Variants in CNR2 observed in about 807,000 individuals in gnomAD.
CNR2 encodes cannabinoid receptor 2 (macrophage).
For missense variants in CNR2, 379 were observed against 439.9 expected (o/e 0.86, Z 1.24); for synonymous variants, 172 against 182.2 (o/e 0.94, Z 0.45).
intron 1 of CNR2, among the ~76,000 whole-genome samples, chr1:23,898,570 T>C (rs1485000542): frequency 1.4e-5 from 2 of 147,592 alleles, no homozygotes; most frequent in Admixed American, 6.9e-5. Context: ...CTCGATCCCC[T>C]GACCTTGTGA....
rs201650984 is a variant in CNR2 at position 23,875,368 on chromosome 1, T to A, written c.250A>T (p.Ser84Cys). ...ACAAAGCTGCATGCAAAGACCACAC[T>A]GGCCAGGAAGTCAGCCCCAGCCAAG... ...GSLAGADFLA[S>C]VVFACSFVNF... is the part of the protein sequence containing the mutation. The change falls in exon 2 of 2, where the codon AGT (serine) becomes TGT (cysteine). Residue 84 changes from serine (S) to cysteine (C), a missense_variant. Coordinates refer to ENST00000374472, the MANE Select transcript of CNR2 (RefSeq NM_001841.3). 2.6e-5 allele frequency: 42 copies of A among 1,614,222 alleles called. No homozygotes were observed. The highest frequency in any genetic ancestry group is 1.2e-4 in the South Asian group (11 of 91,088).
intron 1 of CNR2, among the ~76,000 whole-genome samples, chr1:23,897,409 T>C (rs938877110): frequency 6.6e-6 from 1 of 152,066 alleles, no homozygotes. Context: ...TTACACCTAT[T>C]AGTACTTGCT....
At chr1:23,880,349 T>C (rs192432287) in intron 1 of CNR2, among the ~76,000 whole-genome samples, 135 of 152,060 alleles carry the variant, frequency 8.9e-4, no homozygotes, top group Non-Finnish European at 1.4e-3. Context: ...GGCTAAGTTT[T>C]CATATTTTTA....
chr1:23,883,707 C>A (rs1343225657), intron 1 of CNR2, among the ~76,000 whole-genome samples: 5 of 152,090 alleles, frequency 3.3e-5, no homozygotes, highest in African/African-American at 1.2e-4. Context: ...CGCCTGTAGT[C>A]CCACCTACTT....
chr1:23,878,096 G>T (rs1276990084), intron 1 of CNR2, among the ~76,000 whole-genome samples: 2 of 152,220 alleles, frequency 1.3e-5, no homozygotes, highest in Non-Finnish European at 2.9e-5. Flanking sequence ...TCAGAGGAGT[G>T]TTAGAGAGGA....
intron 1 of CNR2, chr1:23,902,763 G>C (rs1187067558): frequency 6.7e-7 from 1 of 1,501,582 alleles, no homozygotes; most frequent in East Asian, 2.4e-5. Context: ...GGGCTCTCCG[G>C]GTGGTTGTTG....
intron 1 of CNR2, among the ~76,000 whole-genome samples, chr1:23,879,549 T>C (rs1376767202): frequency 6.6e-6 from 1 of 152,092 alleles, no homozygotes; most frequent in Non-Finnish European, 1.5e-5. Context: ...GGTGGTCCAG[T>C]GTGCAGTGAT....
chr1:23,873,080 C>G lies in CNR2; in HGVS notation c.*1455G>C, dbSNP rs1344104915. 1 of 152,132 alleles carries G rather than the reference C, an allele frequency of 6.6e-6. No homozygotes were observed. The highest frequency in any genetic ancestry group is 1.5e-5 in the Non-Finnish European group (1 of 68,036). 9.4% of individuals were successfully genotyped at this position (152,132 alleles called of 1,614,324 possible). On this transcript the variant is annotated 3_prime_UTR_variant, in exon 2 of 2. Coordinates refer to ENST00000374472, the MANE Select transcript of CNR2 (RefSeq NM_001841.3). The stretch of plus-strand genomic sequence containing the variant: ...AAGTATTAAACGAAGACATGTTTAA[C>G]CAATATCTTTCATTTTATTCCATTT...
At chr1:23,892,365 G>C (rs374539240) in intron 1 of CNR2, among the ~76,000 whole-genome samples, 1 of 152,208 alleles carries the variant, frequency 6.6e-6, no homozygotes, top group East Asian at 1.9e-4. Flanking sequence ...GAGATGAAAA[G>C]GGCTGGCAAA....
chr1:23,900,093 C>A (rs1034148579), intron 1 of CNR2, among the ~76,000 whole-genome samples: 2 of 151,334 alleles, frequency 1.3e-5, no homozygotes, highest in Non-Finnish European at 2.9e-5. Context: ...AGATACTTTG[C>A]AGACCCTGCA....
chr1:23,877,577 G>A (rs563213599), intron 1 of CNR2, among the ~76,000 whole-genome samples: 12 of 152,182 alleles, frequency 7.9e-5, no homozygotes, highest in Admixed American at 2.6e-4. Flanking sequence ...GGAGCTTGCA[G>A]TGAGCCGAGA....
intron 1 of CNR2, chr1:23,902,585 G>A (rs1371869126): frequency 5.0e-6 from 8 of 1,606,388 alleles, no homozygotes; most frequent in South Asian, 1.1e-5. Flanking sequence ...CCAGGTCCCA[G>A]TAGAACATGG....
chr1:23,877,341 A>G (rs1639902227), intron 1 of CNR2, among the ~76,000 whole-genome samples: 2 of 152,236 alleles, frequency 1.3e-5, no homozygotes, highest in African/African-American at 4.8e-5. Context: ...TTGATCTAGA[A>G]CGTAGATCTG....
chr1:23,892,270 G>C (rs890415267), intron 1 of CNR2, among the ~76,000 whole-genome samples: 1 of 152,146 alleles, frequency 6.6e-6, no homozygotes, highest in Non-Finnish European at 1.5e-5. Context: ...ACTGGGCAGG[G>C]AAGGAACTTA....
At chr1:23,889,956 A>T (rs1430931784) in intron 1 of CNR2, among the ~76,000 whole-genome samples, 1 of 152,188 alleles carries the variant, frequency 6.6e-6, no homozygotes, top group Admixed American at 6.6e-5. Context: ...GATGCTTAAT[A>T]GAGTTAGTTT....
chr1:23,902,660 C>T (rs1640420779), intron 1 of CNR2: 2 of 1,595,542 alleles, frequency 1.3e-6, no homozygotes, highest in Middle Eastern at 1.7e-4. Context: ...TGGTCGCCCC[C>T]GGGGGTCCCA....
chr1:23,907,824 T>A (rs1640521054), intron 1 of CNR2: 1 of 152,048 alleles, frequency 6.6e-6, no homozygotes, highest in Admixed American at 6.6e-5. Flanking sequence ...TTTCTTATGC[T>A]GTCTTTAATC....
chr1:23,876,899 A>G (rs1474072032), intron 1 of CNR2, among the ~76,000 whole-genome samples: 1 of 152,070 alleles, frequency 6.6e-6, no homozygotes, highest in Non-Finnish European at 1.5e-5. Context: ...TGTCACAAAT[A>G]TTGAAGAAAA....
intron 1 of CNR2, among the ~76,000 whole-genome samples, chr1:23,897,520 G>A (rs1553141975): frequency 6.7e-6 from 1 of 150,330 alleles, no homozygotes; most frequent in Non-Finnish European, 1.5e-5. Flanking sequence ...TGTCACCCAA[G>A]CTGGAGTGCA....
Sources: gnomAD v4.1 joint callset for allele counts (sites outside exome capture counted in the v4.1 genomes callset) on GRCh38, gnomAD v4.1.1 for gene constraint, MANE v1.5 for transcripts, NCBI Gene and HGNC (gene_info 2026-07-23, HGNC 2026-07-21) for gene names.